TGM6: variants seen among roughly 807,000 people sequenced by gnomAD.
The protein encoded by TGM6 is protein-glutamine gamma-glutamyltransferase 6.
In TGM6, 74 loss-of-function variants were observed where a neutral mutation model predicts 77.5. The ratio of observed to expected loss-of-function variants is 0.96; its 90% CI spans 0.79 to 1.16. The LOEUF (loss-of-function observed/expected upper bound fraction) is 1.16. Ranked by LOEUF, TGM6 falls within the 50% of genes most tolerant of loss-of-function variation. TGM6 has a pLI of 0.00. For missense variants in TGM6, 968 were observed against 940.2 expected, an observed-to-expected ratio of 1.03 and a Z score of -0.39; for synonymous variants, 383 against 378.9, an observed-to-expected ratio of 1.01 and a Z score of -0.12.
intron 10 of TGM6, among the ~76,000 whole-genome samples, chr20:2,421,322 A>G (rs188792036): frequency 6.6e-6 from 1 of 152,350 alleles, no homozygotes; most frequent in African/African-American, 2.4e-5. Flanking sequence ...CAAGGAGCAC[A>G]CTTGCTGCAC....
chr20:2,390,388 T>A (rs1002727276), intron 1 of TGM6, among the ~76,000 whole-genome samples: 1 of 152,252 alleles, frequency 6.6e-6, no homozygotes, highest in African/African-American at 2.4e-5. Context: ...ATAAAACTAG[T>A]ATAACCACTG....
At chr20:2,417,035 A>C (rs2084820931) in intron 9 of TGM6, among the ~76,000 whole-genome samples, 197 bp from the exon 10 acceptor site, 1 of 152,194 alleles carries the variant, frequency 6.6e-6, no homozygotes, top group African/African-American at 2.4e-5. Flanking sequence ...CAGCTCTCAG[A>C]GAAGCTGGAA....
intron 12 of TGM6, 86 bp downstream of exon 12, chr20:2,431,113 TGAGA>T: frequency 1.9e-6 from 3 of 1,571,296 alleles, no homozygotes; most frequent in Non-Finnish European, 1.7e-6. Context: ...GATGGGGGTG[TGAGA>T]GAGATTCTGG....
intron 10 of TGM6, among the ~76,000 whole-genome samples, chr20:2,419,562 T>A (rs889669231): frequency 6.6e-6 from 1 of 152,222 alleles, no homozygotes; most frequent in Non-Finnish European, 1.5e-5. Context: ...CACCTATGAT[T>A]CTACCACCCA....
intron 9 of TGM6, among the ~76,000 whole-genome samples, chr20:2,411,181 A>G (rs1426333363): frequency 6.6e-6 from 1 of 152,194 alleles, no homozygotes; most frequent in Admixed American, 6.5e-5. Flanking sequence ...CTACATATCT[A>G]TCTCCCTTAT....
intron 10 of TGM6, among the ~76,000 whole-genome samples, chr20:2,425,441 CA>C (rs34170813): frequency 0.22 from 33,723 of 151,668 alleles, 3,872 homozygotes; most frequent in South Asian, 0.3. Context: ...AGGGTTGCCA[CA>C]AAACTTCAAT....
At position 2,403,593 on chromosome 20, in the gene TGM6, G is replaced by A; in HGVS notation, c.1106G>A (p.Cys369Tyr). Residue 369 changes from cysteine to tyrosine, a missense_variant, in exon 9 of 13, where the codon TGC (cysteine) becomes TAC (tyrosine). By Grantham distance (194) the Cys-to-Tyr change is radical. Transcript: ENST00000202625. Reference protein sequence around the residue: ...PQEESEGVFRCGPASVTAIRE... With the variant: ...PQEESEGVFRYGPASVTAIRE... ...CCCTCCTGCCCAGGTGTGTTCCGGT[G>A]CGGCCCAGCCTCAGTCACCGCCATC... is the stretch of plus-strand genomic sequence containing the variant. 1 of 1,614,148 alleles carries A rather than the reference G, an allele frequency of 6.2e-7. No individual in the cohort carries two copies. The highest frequency in any genetic ancestry group is 8.5e-7 in the Non-Finnish European group (1 of 1,180,044).
In TGM6 at chr20:2,432,507, C is replaced by T. The variant is rs2084930170; in HGVS notation, c.1985C>T (p.Pro662Leu). ...TCCTCCAGCGTGCCTACCCTGGAGC[C>T]TCAGGAGAGGGCCTCAGTCCAGTTT... ...QLSIDVPTLE[P>L]QERASVQFDI... The change falls in exon 13 of 13, where the codon CCT becomes CTT. Residue 662 changes from proline (P) to leucine (L), a missense_variant. Coordinates refer to ENST00000202625, the MANE Select transcript of TGM6 (RefSeq NM_198994.3). 2 of 1,614,132 alleles carry T rather than the reference C, an allele frequency of 1.2e-6. No individual in the cohort carries two copies.
rs387907098 is a variant in TGM6 at position 2,400,435 on chromosome 20, A to G, written c.980A>G (p.Asp327Gly). The part of the protein sequence containing the change: ...FGRTLEDLTE[D>G]SMWNFHVWNE... ...CGGACCCTGGAGGACCTGACAGAAG[A>G]CAGCATGTGGTGGGTCCTGCCCCCA... Residue 327 changes from aspartate to glycine, a missense_variant, in exon 7 of 13, where the codon GAC (aspartate) becomes GGC (glycine). Physicochemically the swap from Asp to Gly is moderately conservative, Grantham distance 94. Transcript: ENST00000202625. The G allele has an allele frequency of 4.5e-5, 73 of 1,614,048 alleles. 1 individual carries two copies. The South Asian group carries it at 7.2e-4, about 16-fold the overall frequency.
chr20:2,399,500 G>T, intron 5 of TGM6, 61 bp from the exon 6 acceptor site: 1 of 1,610,894 alleles, frequency 6.2e-7, no homozygotes, highest in South Asian at 1.1e-5. Context: ...ATTTGACCAC[G>T]ATGCGGTTCT....
At chr20:2,414,390 C>A (rs1443413487) in intron 9 of TGM6, among the ~76,000 whole-genome samples, 1 of 152,158 alleles carries the variant, frequency 6.6e-6, no homozygotes, top group East Asian at 1.9e-4. Flanking sequence ...ACTAGAACTA[C>A]CGTCATCAAA....
At chr20:2,386,864 CA>C (rs2084600037) in intron 1 of TGM6, among the ~76,000 whole-genome samples, 1 of 152,176 alleles carries the variant, frequency 6.6e-6, no homozygotes, top group Admixed American at 6.5e-5. Flanking sequence ...CAGGGTCCAG[CA>C]GCCCTCATCC....
At position 2,388,522 on chromosome 20, in the gene TGM6, A is replaced by G. The variant is rs2084610545; in HGVS notation, c.8-5930A>G. Among the ~76,000 whole-genome samples, 4 of 152,266 alleles carry G rather than the reference A, an allele frequency of 2.6e-5. No individual in the cohort carries two copies. In the South Asian group the frequency reaches 8.3e-4, roughly 32 times the overall value. ...TGCAGTGGCTTATGCCTGTAATCCC[A>G]GCACTTTGTGAAGCTGAGATGGGAG... On this transcript the variant is annotated intron_variant, in intron 1 of 12. Transcript: ENST00000202625.
intron 1 of TGM6, among the ~76,000 whole-genome samples, chr20:2,387,799 A>G (rs2084605812): frequency 6.6e-6 from 1 of 152,258 alleles, no homozygotes; most frequent in African/African-American, 2.4e-5. Context: ...CGGCAGGGAC[A>G]GCTTGCGTCT....
chr20:2,410,765 C>A (rs1211290367), intron 9 of TGM6, among the ~76,000 whole-genome samples: 1 of 152,166 alleles, frequency 6.6e-6, no homozygotes, highest in Non-Finnish European at 1.5e-5. Context: ...GAAACCCCCA[C>A]ACTTTTAGAG....
At chr20:2,431,077 G>T in intron 12 of TGM6, 50 bp downstream of exon 12, 2 of 1,575,218 alleles carry the variant, frequency 1.3e-6, no homozygotes, top group Non-Finnish European at 1.7e-6. Context: ...TCTTCCTTGT[G>T]GATGAGCCAG....
At chr20:2,424,660 A>C (rs6048862) in intron 10 of TGM6, among the ~76,000 whole-genome samples, 1 of 152,026 alleles carries the variant, frequency 6.6e-6, no homozygotes, top group Non-Finnish European at 1.5e-5. Context: ...CAAGAGTAGC[A>C]CTTTTAATTT....
At chr20:2,388,462 C>G (rs1304172833) in intron 1 of TGM6, among the ~76,000 whole-genome samples, 1 of 152,140 alleles carries the variant, frequency 6.6e-6, no homozygotes, top group Non-Finnish European at 1.5e-5. Context: ...ATTCCCAGCT[C>G]CATCACTTAG....
At position 2,400,216 on chromosome 20, in the gene TGM6, C is replaced by A. The variant is rs1599951272; in HGVS notation, c.851-90C>A. 15 of 1,590,740 alleles carry A rather than the reference C, an allele frequency of 9.4e-6. No homozygotes were observed. The East Asian group carries it at 3.4e-4, about 36-fold the overall frequency. On this transcript the variant is annotated intron_variant, in intron 6 of 12. Transcript: ENST00000202625. The stretch of plus-strand genomic sequence containing the variant: ...AAGATGGGGTGGCAGAGGGCTTTGG[C>A]CACAAATGAGCCAGGGCGCCTGCTG...
Sources: gnomAD v4.1 joint callset for allele counts (sites outside exome capture counted in the v4.1 genomes callset) on GRCh38, gnomAD v4.1.1 for gene constraint, MANE v1.5 for transcripts, NCBI Gene and HGNC (gene_info 2026-07-23, HGNC 2026-07-21) for gene names.